HS3ST4: variants seen among roughly 807,000 people sequenced by gnomAD.
The protein encoded by HS3ST4 is heparan sulfate-glucosamine 3-sulfotransferase 4.
In HS3ST4, 17 loss-of-function variants were observed where a neutral mutation model predicts 29.2. That is an observed-to-expected ratio of 0.58 (90% CI 0.40 to 0.87). The LOEUF (loss-of-function observed/expected upper bound fraction) is 0.87. Among genes scored for constraint, HS3ST4 ranks in the 40% least tolerant of loss-of-function variants. HS3ST4 has a pLI of 0.00. For synonymous variants in HS3ST4, 314 were observed against 285.7 expected (o/e 1.10, Z -1.00); for missense variants, 627 against 634.5 (o/e 0.99, Z 0.13).
intron 1 of HS3ST4, among the ~76,000 whole-genome samples, chr16:25,970,526 T>C (rs1968886097): frequency 6.6e-6 from 1 of 152,176 alleles, no homozygotes; most frequent in Non-Finnish European, 1.5e-5. Flanking sequence ...CTCTCTCTTT[T>C]TTTTTCAGGG....
At chr16:25,871,794 G>A (rs574741316) in intron 1 of HS3ST4, among the ~76,000 whole-genome samples, 10 of 152,216 alleles carry the variant, frequency 6.6e-5, no homozygotes, top group African/African-American at 2.2e-4. Context: ...TGCATGGGTG[G>A]ATTTTTTGGG....
chr16:26,101,358 T>G (rs2141796830), intron 1 of HS3ST4, among the ~76,000 whole-genome samples: 1 of 152,332 alleles, frequency 6.6e-6, no homozygotes, highest in East Asian at 1.9e-4. Context: ...TCTACTCCCT[T>G]GCTAAAGGCT....
At chr16:25,820,403 T>C (rs1246614297) in intron 1 of HS3ST4, among the ~76,000 whole-genome samples, 1 of 152,178 alleles carries the variant, frequency 6.6e-6, no homozygotes, top group Non-Finnish European at 1.5e-5. Flanking sequence ...TTTTCTTTTT[T>C]GTTTTTTAAG....
chr16:25,841,697 C>G (rs1286700918), intron 1 of HS3ST4, among the ~76,000 whole-genome samples: 1 of 152,166 alleles, frequency 6.6e-6, no homozygotes, highest in Non-Finnish European at 1.5e-5. Flanking sequence ...TCATTAGATT[C>G]ACCTTCCCGA....
At chr16:26,007,702 C>T (rs1969270727) in intron 1 of HS3ST4, among the ~76,000 whole-genome samples, 1 of 152,208 alleles carries the variant, frequency 6.6e-6, no homozygotes, top group African/African-American at 2.4e-5. Flanking sequence ...GAAGCCTTCA[C>T]TCATCAGATG....
At chr16:25,926,650 A>G (rs1968405792) in intron 1 of HS3ST4, among the ~76,000 whole-genome samples, 1 of 152,208 alleles carries the variant, frequency 6.6e-6, no homozygotes, top group Admixed American at 6.5e-5. Flanking sequence ...TAAATTGAAG[A>G]GATAGTGATT....
intron 1 of HS3ST4, among the ~76,000 whole-genome samples, chr16:25,959,317 G>T (rs916172134): frequency 6.6e-6 from 1 of 152,210 alleles, no homozygotes; most frequent in African/African-American, 2.4e-5. Flanking sequence ...TCTAATGTCA[G>T]AAATCCTATC....
At chr16:25,978,240 T>A (rs1043385691) in intron 1 of HS3ST4, among the ~76,000 whole-genome samples, 1 of 152,192 alleles carries the variant, frequency 6.6e-6, no homozygotes, top group Non-Finnish European at 1.5e-5. Flanking sequence ...TGACACATGG[T>A]TCTCCCAGTC....
chr16:25,780,499 A>G (rs1966851673), intron 1 of HS3ST4, among the ~76,000 whole-genome samples: 1 of 152,216 alleles, frequency 6.6e-6, no homozygotes, highest in African/African-American at 2.4e-5. Flanking sequence ...TAAGCCCTAA[A>G]TAAAGGATCA....
chr16:26,058,815 A>T (rs1898442159), intron 1 of HS3ST4, among the ~76,000 whole-genome samples: 1 of 152,150 alleles, frequency 6.6e-6, no homozygotes, highest in Admixed American at 6.5e-5. Flanking sequence ...AGGCCCAGAG[A>T]GGGAAAGGGA....
chr16:25,891,195 C>A (rs1264089490), intron 1 of HS3ST4, among the ~76,000 whole-genome samples: 1 of 152,144 alleles, frequency 6.6e-6, no homozygotes, highest in Non-Finnish European at 1.5e-5. Flanking sequence ...AGGAACTGAA[C>A]CAGATACTGT....
chr16:25,829,744 C>G (rs1297354178), intron 1 of HS3ST4, among the ~76,000 whole-genome samples: 2 of 140,728 alleles, frequency 1.4e-5, no homozygotes, highest in African/African-American at 5.4e-5. Context: ...CTGCAAAGGA[C>G]ATGAGCTCAT....
intron 1 of HS3ST4, among the ~76,000 whole-genome samples, chr16:26,060,472 T>C (rs1898462093): frequency 6.6e-6 from 1 of 152,162 alleles, no homozygotes. Context: ...TGCTTCCTGC[T>C]CTCCAACAGC....
chr16:26,071,259 G>A (rs1898600661), intron 1 of HS3ST4, among the ~76,000 whole-genome samples: 2 of 152,138 alleles, frequency 1.3e-5, no homozygotes, highest in African/African-American at 4.8e-5. Flanking sequence ...GGAGGTGAGG[G>A]GTGAGGGAGA....
chr16:25,999,912 T>C (rs1969198513), intron 1 of HS3ST4, among the ~76,000 whole-genome samples: 1 of 140,904 alleles, frequency 7.1e-6, no homozygotes, highest in South Asian at 2.1e-4. Context: ...TATATATATA[T>C]ATCTGTTTTT....
intron 1 of HS3ST4, among the ~76,000 whole-genome samples, chr16:25,802,163 T>C (rs1481733774): frequency 6.6e-6 from 1 of 152,072 alleles, no homozygotes; most frequent in Non-Finnish European, 1.5e-5. Context: ...TGATGAGTGC[T>C]GTGGAGAAAA....
chr16:25,692,566 A>G lies in HS3ST4; in HGVS notation c.149A>G (p.Tyr50Cys). The G allele has an allele frequency of 1.4e-6, 2 of 1,448,038 alleles. No homozygotes were observed. The highest frequency in any genetic ancestry group is 1.3e-5 in the South Asian group (1 of 77,694). 89.7% of individuals were successfully genotyped at this position (1,448,038 alleles called of 1,614,324 possible). The change falls in exon 1 of 2, where the codon TAC becomes TGC. Residue 50 changes from tyrosine to cysteine, a missense_variant. By Grantham distance (194) the Tyr-to-Cys change is radical (BLOSUM62 -2). This residue lies in a region of HS3ST4 where 402 missense variants were observed against 340.8 expected (regional missense o/e 1.18). Coordinates refer to ENST00000331351, the MANE Select transcript of HS3ST4 (RefSeq NM_006040.3). The stretch of plus-strand genomic sequence containing the variant: ...TCCCTGTCTGTCACCTACCTGTGCT[A>G]CAGCCTCCTGGGCGGCTCGGGCTCC... ...TLSLSVTYLC[Y>C]SLLGGSGSLQ...
chr16:25,989,402 G>A (rs943633493), intron 1 of HS3ST4, among the ~76,000 whole-genome samples: 2 of 152,178 alleles, frequency 1.3e-5, no homozygotes, highest in African/African-American at 4.8e-5. Context: ...ACACCACTGC[G>A]GTGACATACA....
intron 1 of HS3ST4, among the ~76,000 whole-genome samples, chr16:25,786,782 A>T (rs2141617708): frequency 6.6e-6 from 1 of 152,322 alleles, no homozygotes; most frequent in African/African-American, 2.4e-5. Flanking sequence ...AGTTCAGATC[A>T]AATGCTTGAT....
Sources: gnomAD v4.1 joint callset for allele counts (sites outside exome capture counted in the v4.1 genomes callset) on GRCh38, gnomAD v4.1.1 for gene constraint, gnomAD v4.1.1 regional missense constraint, MANE v1.5 for transcripts, NCBI Gene and HGNC (gene_info 2026-07-23, HGNC 2026-07-21) for gene names.